The following CDK5RAP2 variants were observed in gnomAD, a reference collection of about 807,000 sequenced individuals.
The protein encoded by CDK5RAP2 is CDK5 regulatory subunit associated protein 2, also known as CDK5 regulatory subunit-associated protein 2.
CDK5RAP2 carries 147 observed loss-of-function variants against 232.9 expected under a neutral mutation model. That is an observed-to-expected ratio of 0.63 (90% CI 0.55 to 0.72). CDK5RAP2 has a LOEUF of 0.72. Ranked by LOEUF, CDK5RAP2 falls within the 30% of genes least tolerant of loss-of-function variation. CDK5RAP2 has a pLI of 0.00. For missense variants in CDK5RAP2, 2,195 were observed against 2,231.5 expected (o/e 0.98, Z 0.33); for synonymous variants, 833 against 833.7 (o/e 1.00, Z 0.01).
At chr9:120,558,672 A>AAAGCTCTT (rs1303275355) in intron 3 of CDK5RAP2, among the ~76,000 whole-genome samples, 9 of 152,074 alleles carry the variant, frequency 5.9e-5, no homozygotes, top group Non-Finnish European at 1.3e-4. Flanking sequence ...GTCTGCCTAC[A>AAAGCTCTT]AAGCTCTTTC....
intron 12 of CDK5RAP2, among the ~76,000 whole-genome samples, chr9:120,491,892 A>C (rs972568137): frequency 6.6e-6 from 1 of 152,188 alleles, no homozygotes; most frequent in Non-Finnish European, 1.5e-5. Context: ...GGCTGAGGTA[A>C]CACATCAAAA....
intron 25 of CDK5RAP2, among the ~76,000 whole-genome samples, chr9:120,431,071 G>A (rs988462148): frequency 1.6e-4 from 25 of 152,064 alleles, no homozygotes; most frequent in Non-Finnish European, 3.1e-4. Flanking sequence ...ATGAGAACAC[G>A]TGGACACAGG....
intron 16 of CDK5RAP2, among the ~76,000 whole-genome samples, chr9:120,470,443 A>C (rs1049004255): frequency 6.6e-6 from 1 of 152,210 alleles, no homozygotes; most frequent in Non-Finnish European, 1.5e-5. Context: ...GTATGGTTTC[A>C]TCTTAGGCCG....
intron 36 of CDK5RAP2, among the ~76,000 whole-genome samples, chr9:120,391,430 C>A (rs936505351): frequency 5.9e-5 from 9 of 152,176 alleles, no homozygotes; most frequent in African/African-American, 1.9e-4. Flanking sequence ...GTGGGCCTGC[C>A]CAACTCAGTC....
chr9:120,530,578 A>C (rs951615144), intron 7 of CDK5RAP2, among the ~76,000 whole-genome samples: 4 of 152,218 alleles, frequency 2.6e-5, no homozygotes, highest in Admixed American at 6.5e-5. Flanking sequence ...CAAAGTTTAA[A>C]AACACTGACT....
intron 20 of CDK5RAP2, among the ~76,000 whole-genome samples, chr9:120,455,577 C>CA (rs1469936402): frequency 3.3e-5 from 5 of 151,516 alleles, no homozygotes; most frequent in African/African-American, 9.7e-5. Context: ...CCTATCTCTA[C>CA]AAAAAAATAC....
chr9:120,547,900 C>T (rs1294791030), intron 4 of CDK5RAP2, among the ~76,000 whole-genome samples: 2 of 152,188 alleles, frequency 1.3e-5, no homozygotes, highest in African/African-American at 4.8e-5. Flanking sequence ...GACATGCTAA[C>T]GTGGAATACA....
chr9:120,486,353 A>AT (rs1344147211), intron 14 of CDK5RAP2, among the ~76,000 whole-genome samples: 1 of 151,744 alleles, frequency 6.6e-6, no homozygotes, highest in Non-Finnish European at 1.5e-5. Context: ...ACTAATTTGC[A>AT]TAAGAGTTCT....
chr9:120,400,239 T>C (rs992940041), intron 35 of CDK5RAP2, among the ~76,000 whole-genome samples: 2 of 152,170 alleles, frequency 1.3e-5, no homozygotes, highest in African/African-American at 4.8e-5. Flanking sequence ...GAGCCTGTCA[T>C]TCCTAAGTAC....
intron 3 of CDK5RAP2, among the ~76,000 whole-genome samples, chr9:120,562,065 A>G (rs1347900240): frequency 2.0e-5 from 3 of 152,250 alleles, no homozygotes; most frequent in Non-Finnish European, 4.4e-5. Context: ...AAGCAAAGAG[A>G]TAACAAATAT....
rs560973812 is a variant in CDK5RAP2, at chr9:120,477,254, A to G, written c.1727+96T>C. The G allele has an allele frequency of 6.3e-6, 6 of 953,510 alleles. No homozygotes were observed. The African/African-American group carries it at 9.6e-5, about 15-fold the overall frequency. The allele number at this position is 953,510 out of a possible 1,614,324, so 59.1% of individuals were successfully genotyped here. A position where few individuals can be genotyped will look rare whatever the true frequency, so the allele number is the denominator to read the frequency against. ...CAAACTGGCAGGGCTTTGCTGCCTT[A>G]GAGATCAGCACTGATTGAAAGGGTG... On this transcript the variant is annotated intron_variant, in intron 15 of 37. Coordinates refer to ENST00000349780, the MANE Select transcript of CDK5RAP2 (RefSeq NM_018249.6).
Position 120,471,760 on chromosome 9 carries a change from G to C in CDK5RAP2, c.1846C>G (p.Arg616Gly), listed in dbSNP as rs148661503. Residue 616 changes from arginine to glycine, a missense_variant, in exon 16 of 38, where the codon CGG (arginine) becomes GGG (glycine). Transcript: ENST00000349780. ...KTLEEQISEI[R>G]RREEESFSLY... ...ATAAAGTGTGTACCTTCCCGCCTCC[G>C]AATTTCGCTGATCTGCTCCTCCAAG... is the stretch of plus-strand genomic sequence containing the variant. 1 of 1,614,090 alleles carries C rather than the reference G, an allele frequency of 6.2e-7. No homozygotes were observed. Among genetic ancestry groups the C allele is most frequent in the Non-Finnish European group, 8.5e-7 (1 of 1,179,980 alleles).
chr9:120,544,485 G>A (rs1358226330), intron 5 of CDK5RAP2, among the ~76,000 whole-genome samples: 2 of 152,238 alleles, frequency 1.3e-5, no homozygotes, highest in Admixed American at 6.5e-5. Flanking sequence ...TGGAGAAGAA[G>A]CCTGGGCCTG....
chr9:120,535,934 C>T (rs2041366508), intron 7 of CDK5RAP2, among the ~76,000 whole-genome samples: 1 of 152,184 alleles, frequency 6.6e-6, no homozygotes, highest in South Asian at 2.1e-4. Context: ...GGGGCAGTCA[C>T]TCACTGTTCA....
intron 3 of CDK5RAP2, among the ~76,000 whole-genome samples, chr9:120,554,230 CTGTATATT>C (rs2042144503): frequency 6.6e-6 from 1 of 152,160 alleles, no homozygotes; most frequent in South Asian, 2.1e-4. Flanking sequence ...AAGAAGTACA[CTGTATATT>C]TGTACCATAT....
At chr9:120,516,043 G>T (rs2040321838) in intron 12 of CDK5RAP2, among the ~76,000 whole-genome samples, 1 of 152,086 alleles carries the variant, frequency 6.6e-6, no homozygotes, top group African/African-American at 2.4e-5. Context: ...TATAAATCAT[G>T]CTGCTATAAA....
intron 18 of CDK5RAP2, among the ~76,000 whole-genome samples, chr9:120,464,357 T>C (rs957122394): frequency 1.3e-5 from 2 of 152,158 alleles, no homozygotes; most frequent in South Asian, 4.1e-4. Flanking sequence ...TCTGCCCCAA[T>C]TGCCCCTCTG....
intron 19 of CDK5RAP2, among the ~76,000 whole-genome samples, chr9:120,459,888 C>T (rs2036986528): frequency 6.6e-6 from 1 of 152,170 alleles, no homozygotes; most frequent in South Asian, 2.1e-4. Flanking sequence ...GCATCTTACC[C>T]CCACCACATC....
At chr9:120,573,501 A>C (rs1032322499) in intron 1 of CDK5RAP2, among the ~76,000 whole-genome samples, 2 of 151,766 alleles carry the variant, frequency 1.3e-5, no homozygotes, top group Non-Finnish European at 2.9e-5. Context: ...GTGAGCTGAG[A>C]TCATGCCACT....
Sources: gnomAD v4.1 joint callset for allele counts (sites outside exome capture counted in the v4.1 genomes callset) on GRCh38, gnomAD v4.1.1 for gene constraint, MANE v1.5 for transcripts, NCBI Gene and HGNC (gene_info 2026-07-23, HGNC 2026-07-21) for gene names.